SHC2: variants seen among roughly 807,000 people sequenced by gnomAD.
The protein encoded by SHC2 is SHC-transforming protein 2.
Under a neutral mutation model 60.6 loss-of-function variants are expected in SHC2, and 62 were observed. That is an observed-to-expected ratio of 1.02 (90% CI 0.83 to 1.26). The LOEUF is 1.26. Among genes scored for constraint, SHC2 ranks in the 50% most tolerant of loss-of-function variants. The pLI is 0.00. For missense variants in SHC2, 873 were observed against 822.2 expected (o/e 1.06, Z -0.76); for synonymous variants, 375 against 372.4 (o/e 1.01, Z -0.08).
At chr19:421,289 A>G (rs1974262656) in intron 11 of SHC2, among the ~76,000 whole-genome samples, 1 of 151,714 alleles carries the variant, frequency 6.6e-6, no homozygotes, top group Admixed American at 6.6e-5. Context: ...AATCCTAGGT[A>G]CTGGGGAAGC....
rs1047244593 is a variant in SHC2 at position 427,326 on chromosome 19, C to T, written c.1175-2095G>A. Among the ~76,000 whole-genome samples, 9 of 152,224 alleles carry T rather than the reference C, an allele frequency of 5.9e-5. No homozygotes were observed. The East Asian group carries it at 1.3e-3, about 23-fold the overall frequency. ...GGTAACGTGATTAAGGCCGGCGCTC[C>T]GTGACCCGGCAGTTCCCGGCTCAGC... On this transcript the variant is annotated intron_variant, in intron 9 of 12. Coordinates refer to ENST00000264554, the MANE Select transcript of SHC2 (RefSeq NM_012435.3).
intron 8 of SHC2, among the ~76,000 whole-genome samples, chr19:434,142 G>A (rs563349554): frequency 6.8e-6 from 1 of 146,536 alleles, no homozygotes; most frequent in Admixed American, 6.9e-5. Flanking sequence ...GGCAGATGGC[G>A]CTTCATCGTG....
At chr19:458,199 G>T (rs1478150401) in intron 1 of SHC2, among the ~76,000 whole-genome samples, 1 of 116,848 alleles carries the variant, frequency 8.6e-6, no homozygotes, top group African/African-American at 3.1e-5. Context: ...GGACGGGGAA[G>T]TGGGTTCCGG....
At chr19:451,220 C>T (rs750864728) in intron 1 of SHC2, among the ~76,000 whole-genome samples, 10 of 98,952 alleles carry the variant, frequency 1.0e-4, no homozygotes, top group African/African-American at 1.6e-4. Flanking sequence ...TGGATGGCCA[C>T]GCCGTGGCCA....
chr19:425,383 G>A lies in SHC2; in HGVS notation c.1175-152C>T, dbSNP rs560911354. Reference sequence around the variant, plus strand: ...TGCTCTGGTCTCCCTGTGGTAACCCGCCCGTCTGCAGGTGCCACAGGGAGC... The same window carrying A: ...TGCTCTGGTCTCCCTGTGGTAACCCACCCGTCTGCAGGTGCCACAGGGAGC... On this transcript the variant is annotated intron_variant, in intron 9 of 12. Coordinates refer to ENST00000264554, the MANE Select transcript of SHC2 (RefSeq NM_012435.3). The surrounding 1 kb of genome is among the most constrained non-coding windows in gnomAD (Gnocchi z 4.1). Among the ~76,000 whole-genome samples, 28 of 152,320 alleles carry A rather than the reference G, an allele frequency of 1.8e-4. No individual in the cohort carries two copies. Among genetic ancestry groups the A allele is most frequent in the African/African-American group, 4.6e-4 (19 of 41,582 alleles).
At chr19:454,064 C>T (rs1262993241) in intron 1 of SHC2, among the ~76,000 whole-genome samples, 1 of 152,226 alleles carries the variant, frequency 6.6e-6, no homozygotes, top group African/African-American at 2.4e-5. Context: ...TCTACGCCTT[C>T]GGGTGAAGCC....
chr19:452,197 G>A (rs112543603), intron 1 of SHC2, among the ~76,000 whole-genome samples: 3,672 of 148,896 alleles, frequency 0.025, 60 homozygotes, highest in African/African-American at 0.086. Flanking sequence ...GTAGGTGTGC[G>A]TTTCTCCATT....
At chr19:452,552 G>C (rs1304431903) in intron 1 of SHC2, among the ~76,000 whole-genome samples, 2 of 147,682 alleles carry the variant, frequency 1.4e-5, no homozygotes, top group South Asian at 4.4e-4. Context: ...TTGGGGCATC[G>C]TACTGACTTG....
chr19:446,127 G>A lies in SHC2; in HGVS notation c.469-5195C>T, dbSNP rs1350593607. Reference sequence around the variant, plus strand: ...GAGACACAGAAGGGAGGGGCCGTGTGCAGCCGAGGACACCAAGGCCGGCCC... The same window carrying A: ...GAGACACAGAAGGGAGGGGCCGTGTACAGCCGAGGACACCAAGGCCGGCCC... On this transcript the variant is annotated intron_variant, in intron 1 of 12. Coordinates refer to ENST00000264554, the MANE Select transcript of SHC2 (RefSeq NM_012435.3). The surrounding 1 kb of genome is among the most constrained non-coding windows in gnomAD (Gnocchi z 5.4). 1.3e-5 allele frequency among the ~76,000 whole-genome samples: 2 copies of A among 151,934 alleles called. No homozygotes were observed. Among genetic ancestry groups the A allele is most frequent in the Non-Finnish European group, 2.9e-5 (2 of 67,996 alleles).
intron 4 of SHC2, among the ~76,000 whole-genome samples, chr19:437,383 C>T (rs1384750692): frequency 6.6e-6 from 1 of 152,118 alleles, no homozygotes; most frequent in Non-Finnish European, 1.5e-5. Flanking sequence ...CGTCTGCGTG[C>T]TTGTTTGCAT....
At chr19:439,731 C>T (rs1974815265) in intron 2 of SHC2, among the ~76,000 whole-genome samples, 2 of 152,036 alleles carry the variant, frequency 1.3e-5, no homozygotes, top group Admixed American at 6.5e-5. Flanking sequence ...GTGGGCCTGA[C>T]ACAAACAAAT....
chr19:436,901 A>G (rs1195409681), intron 4 of SHC2, among the ~76,000 whole-genome samples: 1 of 152,114 alleles, frequency 6.6e-6, no homozygotes, highest in Non-Finnish European at 1.5e-5. Context: ...CTAGGGCCCT[A>G]AGGGATGTGT....
intron 1 of SHC2, among the ~76,000 whole-genome samples, chr19:452,892 G>T (rs530969332): frequency 6.6e-6 from 1 of 152,128 alleles, no homozygotes; most frequent in African/African-American, 2.4e-5. Context: ...CCCAGATGCC[G>T]CTGGTCTTTA....
At chr19:443,779 T>G (rs1345276583) in intron 1 of SHC2, among the ~76,000 whole-genome samples, 1 of 135,080 alleles carries the variant, frequency 7.4e-6, no homozygotes, top group Non-Finnish European at 1.7e-5. Flanking sequence ...GATGGGTGGA[T>G]GGATGGATGG....
At position 430,702 on chromosome 19, in the gene SHC2, C is replaced by T. The variant is rs139470764; in HGVS notation, c.1156G>A (p.Val386Met). 6.2e-6 allele frequency: 10 copies of T among 1,613,062 alleles called. No homozygotes were observed. In the East Asian group the frequency reaches 6.7e-5, roughly 11 times the overall value. The change falls in exon 9 of 13, where the codon GTG becomes ATG. Residue 386 changes from valine to methionine, a missense_variant. Coordinates refer to ENST00000264554, the MANE Select transcript of SHC2 (RefSeq NM_012435.3). ...LRDACSLPWD[V>M]GSTGTAPPGD... ...ATCCTACCTGTACCGGTGGACCCCA[C>T]GTCCCATGGCAGGCTGCAGGCATCT...
chr19:425,052 A>G lies in SHC2; in HGVS notation c.1309+45T>C. ...GGGGTTGTGCCTCCCCCATCAGACA[A>G]CACGGCCACACGCGATGACGGCCGC... On this transcript the variant is annotated intron_variant, in intron 10 of 12. Transcript: ENST00000264554. The surrounding 1 kb of genome is among the most constrained non-coding windows in gnomAD (Gnocchi z 4.1). The G allele has an allele frequency of 7.4e-7, 1 of 1,345,894 alleles. No individual in the cohort carries two copies. The highest frequency in any genetic ancestry group is 1.5e-5 in the African/African-American group (1 of 66,744). 83.4% of individuals were successfully genotyped at this position (1,345,894 alleles called of 1,614,324 possible).
chr19:427,263 C>G (rs960358309), intron 9 of SHC2, among the ~76,000 whole-genome samples: 1 of 152,216 alleles, frequency 6.6e-6, no homozygotes, highest in African/African-American at 2.4e-5. Flanking sequence ...GTGGGCGAGC[C>G]GACTGCACAG....
chr19:456,704 G>GC (rs772903401), intron 1 of SHC2, among the ~76,000 whole-genome samples: 3 of 150,920 alleles, frequency 2.0e-5, no homozygotes, highest in African/African-American at 2.4e-5. Context: ...CACCTGCTGT[G>GC]CCCCCCCTAG....
At chr19:434,119 T>A (rs1184879787) in intron 8 of SHC2, among the ~76,000 whole-genome samples, 114 of 53,006 alleles carry the variant, frequency 2.2e-3, no homozygotes, top group Admixed American at 3.9e-3. Context: ...TGAGTGAGAG[T>A]TAGAGGAGGC....
Sources: allele counts gnomAD v4.1 joint callset (sites outside exome capture counted in the v4.1 genomes callset), GRCh38; gene constraint gnomAD v4.1.1; non-coding constraint Gnocchi (gnomAD v3.1); transcripts MANE v1.5; gene names NCBI Gene and HGNC (gene_info 2026-07-23, HGNC 2026-07-21).